Variants in TMEM161A observed in about 807,000 individuals in gnomAD.
The protein encoded by TMEM161A is adaptive response to oxidative stress protein 29.
TMEM161A carries 46 observed loss-of-function variants against 57.1 expected under a neutral mutation model. The ratio of observed to expected loss-of-function variants is 0.81; its 90% CI spans 0.64 to 1.03. The LOEUF is 1.03. TMEM161A is among the 50% of genes least tolerant of loss of function. The probability of loss-of-function intolerance (pLI) is 0.00; values close to 1 mark genes in which losing one functional copy is unlikely to be tolerated. For synonymous variants in TMEM161A, 288 were observed against 279.0 expected (o/e 1.03, Z -0.32); for missense variants, 601 against 621.5 (o/e 0.97, Z 0.35).
rs961033263 is a variant in TMEM161A, at chr19:19,121,202, G to C, written c.915-36C>G. ...AGGGCCGGGGGCAAGGGACTAAGAAGGTCGCCCCCGACCCCCCAGGATCTT... is the reference window on the plus strand; with the variant it reads ...AGGGCCGGGGGCAAGGGACTAAGAACGTCGCCCCCGACCCCCCAGGATCTT... On this transcript the variant is annotated intron_variant, in intron 9 of 11. Coordinates refer to ENST00000162044, the MANE Select transcript of TMEM161A (RefSeq NM_017814.3). This position sits in a 1 kb window ranked among gnomAD's most constrained non-coding sequence, Gnocchi z 5.8. 1 of 1,562,794 alleles carries C rather than the reference G, an allele frequency of 6.4e-7. No individual in the cohort carries two copies. The highest frequency in any genetic ancestry group is 1.4e-5 in the African/African-American group (1 of 73,892).
intron 2 of TMEM161A, 108 bp downstream of exon 2, chr19:19,134,675 CA>C (rs1342909422): frequency 2.7e-6 from 2 of 749,074 alleles, no homozygotes; most frequent in African/African-American, 3.5e-5. Context: ...TTTTTCCCCC[CA>C]CCACCCACCA....
rs1436479765 is a variant in TMEM161A at position 19,119,919 on chromosome 19, T to C, written c.*11A>G. On this transcript the variant is annotated 3_prime_UTR_variant, in exon 12 of 12. Coordinates refer to ENST00000162044, the MANE Select transcript of TMEM161A (RefSeq NM_017814.3). ...AACAGACCTCAGGGCCCCAGGAGGGTCTGCAGGCAGCTAGGAGCCTGCCAA... is the reference window on the plus strand; with the variant it reads ...AACAGACCTCAGGGCCCCAGGAGGGCCTGCAGGCAGCTAGGAGCCTGCCAA... 5.8e-6 allele frequency: 9 copies of C among 1,551,674 alleles called. No homozygotes were observed. In the Admixed American group the frequency reaches 1.6e-4, roughly 27 times the overall value.
At chr19:19,127,768 G>GA (rs61271715) in intron 6 of TMEM161A, among the ~76,000 whole-genome samples, 82 of 142,828 alleles carry the variant, frequency 5.7e-4, no homozygotes, top group Non-Finnish European at 5.2e-4. Context: ...CATCTCTACA[G>GA]AAAAAAAAAA....
Position 19,132,930 on chromosome 19 carries a change from G to T in TMEM161A, c.189-176C>A, listed in dbSNP as rs186302825. 7.0e-3 allele frequency: 4,988 copies of T among 716,970 alleles called. 27 individuals carry two copies. The highest frequency in any genetic ancestry group is 8.6e-3 in the Non-Finnish European group (3,790 of 439,672). 44.4% of individuals were successfully genotyped at this position (716,970 alleles called of 1,614,324 possible). A position where few individuals can be genotyped will look rare whatever the true frequency, so the allele number is the denominator to read the frequency against. On this transcript the variant is annotated intron_variant, in intron 3 of 11. Coordinates refer to ENST00000162044, the MANE Select transcript of TMEM161A (RefSeq NM_017814.3). The surrounding 1 kb of genome is among the most constrained non-coding windows in gnomAD (Gnocchi z 4.3). ...CCCACAGGACTGGCTAGAGCAAACTGCCAGGAAACAGATGCTAACTTGACA... is the reference window on the plus strand; with the variant it reads ...CCCACAGGACTGGCTAGAGCAAACTTCCAGGAAACAGATGCTAACTTGACA...
At chr19:19,130,715 T>A (rs775662678) in intron 5 of TMEM161A, among the ~76,000 whole-genome samples, 46 of 151,504 alleles carry the variant, frequency 3.0e-4, no homozygotes, top group Non-Finnish European at 5.3e-4. Flanking sequence ...GGCAGGAGGA[T>A]CACTTGAGCC....
Position 19,132,842 on chromosome 19 carries a change from A to C in TMEM161A, c.189-88T>G. 1 of 1,112,962 alleles carries C rather than the reference A, an allele frequency of 9.0e-7. No homozygotes were observed. The highest frequency in any genetic ancestry group is 1.3e-6 in the Non-Finnish European group (1 of 787,870). 68.9% of individuals were successfully genotyped at this position (1,112,962 alleles called of 1,614,324 possible). A position where few individuals can be genotyped will look rare whatever the true frequency, so the allele number is the denominator to read the frequency against. On this transcript the variant is annotated intron_variant, in intron 3 of 11. Transcript: ENST00000162044. The surrounding 1 kb of genome is among the most constrained non-coding windows in gnomAD (Gnocchi z 4.3). Reference sequence around the variant, plus strand: ...TCAGAGCTCAGAGCAGCTGGCCTGGAGACCATCTCTTTCCACAACCTTGGC... The same window carrying C: ...TCAGAGCTCAGAGCAGCTGGCCTGGCGACCATCTCTTTCCACAACCTTGGC...
chr19:19,127,559 T>C (rs2059937075), intron 6 of TMEM161A, among the ~76,000 whole-genome samples: 1 of 151,970 alleles, frequency 6.6e-6, no homozygotes, highest in African/African-American at 2.4e-5. Flanking sequence ...CCTGACCTCG[T>C]GATCCGCCCG....
chr19:19,120,241 C>T, intron 11 of TMEM161A, 58 bp from the exon 12 acceptor site: 1 of 1,434,154 alleles, frequency 7.0e-7, no homozygotes, highest in Non-Finnish European at 9.3e-7. Flanking sequence ...GGGCGAGGGA[C>T]AGGGCTGGCA....
chr19:19,130,607 G>A (rs976906031), intron 5 of TMEM161A: 9 of 387,312 alleles, frequency 2.3e-5, no homozygotes, highest in African/African-American at 1.6e-4. Flanking sequence ...AAAGCAATCA[G>A]ATATAGAAGG....
In TMEM161A at chr19:19,120,882, TGGCTGCAGCAGGA is replaced by T. The variant is rs756670897; in HGVS notation, c.1090-34_1090-22del. 95 of 1,612,782 alleles carry T rather than the reference TGGCTGCAGCAGGA, an allele frequency of 5.9e-5. No individual in the cohort carries two copies. The African/African-American group carries it at 1.1e-3, about 19-fold the overall frequency. Reference sequence around the variant, plus strand: ...ACCACCTGTGGGCAGGTAGCAGGGGTGGCTGCAGCAGGAGGCCTTCTGGTTTGGGACGACTCCA... The same window carrying T: ...ACCACCTGTGGGCAGGTAGCAGGGGTGGCCTTCTGGTTTGGGACGACTCCA... On this transcript the variant is annotated intron_variant, in intron 10 of 11. Coordinates refer to ENST00000162044, the MANE Select transcript of TMEM161A (RefSeq NM_017814.3).
rs1008351956 is a variant in TMEM161A, at chr19:19,127,525, T to C, written c.595+2631A>G. ...TTTTAGTAGAGACGGAGTTTCACCATGTTAGCCAGGATGGTCTCGATCTCC... is the reference window on the plus strand; with the variant it reads ...TTTTAGTAGAGACGGAGTTTCACCACGTTAGCCAGGATGGTCTCGATCTCC... On this transcript the variant is annotated intron_variant, in intron 6 of 11. Transcript: ENST00000162044. Among the ~76,000 whole-genome samples the C allele has an allele frequency of 8.6e-5, 13 of 151,958 alleles. No homozygotes were observed. The East Asian group carries it at 1.6e-3, about 18-fold the overall frequency.
Position 19,119,674 on chromosome 19 carries a change from G to T in TMEM161A, c.*256C>A. The T allele has an allele frequency of 1.9e-6, 1 of 534,292 alleles. No homozygotes were observed. 33.1% of individuals were successfully genotyped at this position (534,292 alleles called of 1,614,324 possible). A position where few individuals can be genotyped will look rare whatever the true frequency, so the allele number is the denominator to read the frequency against. On this transcript the variant is annotated 3_prime_UTR_variant, in exon 12 of 12. Transcript: ENST00000162044. ...CAGAAGAGCAGCCAGCATCACCCTTGCCACTCAAACCTGGCACATACGCTT... is the reference window on the plus strand; with the variant it reads ...CAGAAGAGCAGCCAGCATCACCCTTTCCACTCAAACCTGGCACATACGCTT...
At position 19,137,332 on chromosome 19, in the gene TMEM161A, A is replaced by C. The variant is rs375183715; in HGVS notation, c.3+1094T>G. Among the ~76,000 whole-genome samples the C allele has an allele frequency of 1.1e-4, 16 of 150,712 alleles. No individual in the cohort carries two copies. The South Asian group carries it at 1.7e-3, about 16-fold the overall frequency. ...TGGGCTCTTCATCAATGACCCCACC[A>C]CCCCCCAAAACCCCCCAAGGGAAAA... On this transcript the variant is annotated intron_variant, in intron 1 of 11. Coordinates refer to ENST00000162044, the MANE Select transcript of TMEM161A (RefSeq NM_017814.3).
chr19:19,121,615 A>G lies in TMEM161A; in HGVS notation c.710T>C (p.Val237Ala). Residue 237 changes from valine (V) to alanine (A), a missense_variant, in exon 8 of 12, where the codon GTG becomes GCG. Coordinates refer to ENST00000162044, the MANE Select transcript of TMEM161A (RefSeq NM_017814.3). The surrounding 1 kb of genome is among the most constrained non-coding windows in gnomAD (Gnocchi z 5.8). ...TGGGAAGGTGAGGAAGGCACCCAGC[A>G]CAGAGCCCACCACTGCCAGTCCCAC... ...IRVGLAVVGS[V>A]LGAFLTFPGL... The G allele has an allele frequency of 6.2e-7, 1 of 1,613,990 alleles. No homozygotes were observed.
intron 1 of TMEM161A, among the ~76,000 whole-genome samples, chr19:19,136,298 A>G (rs1042811039): frequency 6.6e-6 from 1 of 152,166 alleles, no homozygotes; most frequent in Non-Finnish European, 1.5e-5. Context: ...TCAGGCATAA[A>G]TAAGCTAAAT....
rs1280497285 is a variant in TMEM161A at position 19,121,450 on chromosome 19, G to T, written c.801-29C>A. 27 of 1,613,438 alleles carry T rather than the reference G, an allele frequency of 1.7e-5. No individual in the cohort carries two copies. Among genetic ancestry groups the T allele is most frequent in the Non-Finnish European group, 2.0e-5 (24 of 1,179,562 alleles). On this transcript the variant is annotated intron_variant, in intron 8 of 11. Coordinates refer to ENST00000162044, the MANE Select transcript of TMEM161A (RefSeq NM_017814.3). This position sits in a 1 kb window ranked among gnomAD's most constrained non-coding sequence, Gnocchi z 5.8. ...GGGGGTGAGGGCAGGAGGGAGTGAG[G>T]CCTGGGTACCCCCTCTCCTCGAGTC... is the stretch of plus-strand genomic sequence containing the variant.
At chr19:19,122,303 C>A (rs1446273385) in intron 6 of TMEM161A, among the ~76,000 whole-genome samples, 4 of 151,956 alleles carry the variant, frequency 2.6e-5, no homozygotes, top group African/African-American at 9.7e-5. Context: ...TCAAAGAAAA[C>A]GAAACAGAAT....
At position 19,132,261 on chromosome 19, in the gene TMEM161A, G is replaced by C. The variant is rs62135466; in HGVS notation, c.443+91C>G. 7.2e-3 allele frequency: 10,462 copies of C among 1,447,072 alleles called. 46 individuals are homozygous for C. The highest frequency in any genetic ancestry group is 8.2e-3 in the Non-Finnish European group (8,771 of 1,067,610). The allele number at this position is 1,447,072 out of a possible 1,614,324, so 89.6% of individuals were successfully genotyped here. ...CTTGGGGAAGTTTGTGGCACAGCAG[G>C]TGAAAACTGCCACACCAGTTTAGGG... is the stretch of plus-strand genomic sequence containing the variant. On this transcript the variant is annotated intron_variant, in intron 5 of 11. Coordinates refer to ENST00000162044, the MANE Select transcript of TMEM161A (RefSeq NM_017814.3). The surrounding 1 kb of genome is among the most constrained non-coding windows in gnomAD (Gnocchi z 4.3).
At chr19:19,135,393 C>T (rs958411913) in intron 1 of TMEM161A, among the ~76,000 whole-genome samples, 1 of 152,060 alleles carries the variant, frequency 6.6e-6, no homozygotes, top group Admixed American at 6.6e-5. Context: ...AGCTCCTTCC[C>T]CTAAGTGTCT....
Sources: allele counts gnomAD v4.1 joint callset (sites outside exome capture counted in the v4.1 genomes callset), GRCh38; gene constraint gnomAD v4.1.1; non-coding constraint Gnocchi (gnomAD v3.1); transcripts MANE v1.5; gene names NCBI Gene and HGNC (gene_info 2026-07-23, HGNC 2026-07-21).